The following DIP2C variants were observed in gnomAD, a reference collection of about 807,000 sequenced individuals.
DIP2C encodes DIP2 acetate--CoA ligase C (putative).
DIP2C carries 33 observed loss-of-function variants against 192.4 expected under a neutral mutation model. The ratio of observed to expected loss-of-function variants is 0.17; its 90% CI spans 0.13 to 0.23. The LOEUF is 0.23. Ranked by LOEUF, DIP2C falls within the 10% of genes least tolerant of loss-of-function variation. DIP2C has a pLI of 1.00. For missense variants in DIP2C, 1,537 were observed against 2,110.1 expected (o/e 0.73, Z 5.32); for synonymous variants, 979 against 864.1 (o/e 1.13, Z -2.33).
chr10:519,759 C>G (rs1791855651), intron 1 of DIP2C, among the ~76,000 whole-genome samples: 1 of 152,268 alleles, frequency 6.6e-6, no homozygotes, highest in Admixed American at 6.5e-5. Context: ...AACACTTTCT[C>G]TGCATGTCTA....
intron 1 of DIP2C, among the ~76,000 whole-genome samples, chr10:594,301 A>T (rs1340398570): frequency 6.6e-6 from 1 of 152,224 alleles, no homozygotes; most frequent in Non-Finnish European, 1.5e-5. Flanking sequence ...AGAATACTGC[A>T]CAACCCCACA....
chr10:390,856 C>A lies in DIP2C; in HGVS notation c.1268G>T (p.Gly423Val), dbSNP rs1963403973. ...IEVPLTRKDAGSQQIGFLLGS... is the reference protein window; with the variant it reads ...IEVPLTRKDAVSQQIGFLLGS... Reference sequence around the variant, plus strand: ...AAGCAAGAAACCTATCTGCTGGCTCCCTGCGTCCTGAGAGGGCAACAGAGA... The same window carrying A: ...AAGCAAGAAACCTATCTGCTGGCTCACTGCGTCCTGAGAGGGCAACAGAGA... The change falls in exon 11 of 37, where the codon GGG (glycine) becomes GTG (valine). Residue 423 changes from glycine to valine, a missense_variant. By Grantham distance (109) the Gly-to-Val change is moderately radical. Around this residue, in one of 4 missense-constraint regions of DIP2C, gnomAD observed 677 missense variants for 989.9 expected, o/e 0.68. Transcript: ENST00000280886. The A allele has an allele frequency of 3.7e-6, 6 of 1,614,020 alleles. No homozygotes were observed. The highest frequency in any genetic ancestry group is 4.2e-6 in the Non-Finnish European group (5 of 1,179,972).
Position 301,785 on chromosome 10 carries a change from T to A in DIP2C, c.3986+8246A>T, listed in dbSNP as rs3123233. Among the ~76,000 whole-genome samples the A allele has an allele frequency of 2.3e-3, 350 of 152,284 alleles. 2 individuals are homozygous for A. The highest frequency in any genetic ancestry group is 7.6e-3 in the African/African-American group (315 of 41,564). ...ACAGTGCTCCATGACTGCTCTCCTT[T>A]CACACACACACCTGGCCAGGGGATG... On this transcript the variant is annotated intron_variant, in intron 32 of 36. Coordinates refer to ENST00000280886, the MANE Select transcript of DIP2C (RefSeq NM_014974.3).
chr10:619,458 G>T (rs1374328372), intron 1 of DIP2C, among the ~76,000 whole-genome samples: 3 of 150,728 alleles, frequency 2.0e-5, no homozygotes, highest in African/African-American at 7.3e-5. Context: ...GCCCACGGCA[G>T]CCCTGGCGGC....
intron 3 of DIP2C, among the ~76,000 whole-genome samples, chr10:449,920 C>CAAAAAAAAAA (rs59135780): frequency 3.7e-5 from 5 of 135,920 alleles, no homozygotes; most frequent in East Asian, 4.2e-4. Flanking sequence ...TCAACAACAA[C>CAAAAAAAAAA]AAAAAAAAAA....
intron 1 of DIP2C, among the ~76,000 whole-genome samples, chr10:530,883 T>TC (rs892262588): frequency 1.3e-5 from 2 of 151,994 alleles, no homozygotes; most frequent in Admixed American, 6.6e-5. Context: ...TGAAGTCTCC[T>TC]CCACAGTCAG....
At chr10:587,811 C>G (rs2445594) in intron 1 of DIP2C, among the ~76,000 whole-genome samples, 2 of 114,566 alleles carry the variant, frequency 1.7e-5, no homozygotes, top group South Asian at 3.7e-4. Flanking sequence ...CCCTCACCCT[C>G]CTGAAACCCC....
At chr10:376,677 C>A (rs939153185) in intron 17 of DIP2C, among the ~76,000 whole-genome samples, 6 of 151,706 alleles carry the variant, frequency 4.0e-5, no homozygotes, top group Non-Finnish European at 7.4e-5. Flanking sequence ...GGCAGCCACA[C>A]AACGCACACA....
At chr10:445,414 G>A (rs548204965) in intron 3 of DIP2C, among the ~76,000 whole-genome samples, 1 of 151,782 alleles carries the variant, frequency 6.6e-6, no homozygotes, top group Non-Finnish European at 1.5e-5. Context: ...GTTGCAAAGA[G>A]TATATCTTGC....
At chr10:325,222 G>A (rs553265489) in intron 31 of DIP2C, among the ~76,000 whole-genome samples, 9 of 152,124 alleles carry the variant, frequency 5.9e-5, no homozygotes, top group South Asian at 4.2e-4. Flanking sequence ...CCCAGATCAC[G>A]GCAATGCACT....
intron 1 of DIP2C, among the ~76,000 whole-genome samples, chr10:572,233 T>C (rs771267853): frequency 6.6e-6 from 1 of 152,246 alleles, no homozygotes; most frequent in Non-Finnish European, 1.5e-5. Context: ...CTGGCATGTG[T>C]GCAGCAAGCT....
chr10:618,538 C>T (rs956280799), intron 1 of DIP2C, among the ~76,000 whole-genome samples: 3 of 152,200 alleles, frequency 2.0e-5, no homozygotes, highest in Non-Finnish European at 2.9e-5. Context: ...ACAGCGTCCA[C>T]GCCAGGTGAC....
At chr10:564,447 CCA>C (rs1204038871) in intron 1 of DIP2C, among the ~76,000 whole-genome samples, 4 of 152,140 alleles carry the variant, frequency 2.6e-5, no homozygotes, top group Non-Finnish European at 5.9e-5. Context: ...AACCATTGTT[CCA>C]CATATTTTCT....
chr10:288,468 T>C (rs1193361044), intron 32 of DIP2C, 47 bp from the exon 33 acceptor site: 1 of 1,602,026 alleles, frequency 6.2e-7, no homozygotes, highest in East Asian at 2.2e-5. Flanking sequence ...TGCTGTCCAG[T>C]TTTCCCCTTC....
At chr10:576,705 G>A (rs1374823179) in intron 1 of DIP2C, among the ~76,000 whole-genome samples, 2 of 152,096 alleles carry the variant, frequency 1.3e-5, no homozygotes, top group African/African-American at 2.4e-5. Context: ...ATCAGGAGTT[G>A]GAGACCAGCC....
At chr10:687,708 ACT>A (rs895603867) in intron 1 of DIP2C, among the ~76,000 whole-genome samples, 12 of 152,144 alleles carry the variant, frequency 7.9e-5, no homozygotes, top group African/African-American at 2.9e-4. Context: ...AGACAGTATC[ACT>A]CACCCTCCAA....
intron 1 of DIP2C, among the ~76,000 whole-genome samples, chr10:514,584 C>T (rs546997104): frequency 6.6e-5 from 10 of 152,318 alleles, no homozygotes; most frequent in South Asian, 6.2e-4. Flanking sequence ...CTCCAAGGAC[C>T]GCGGGTTCCA....
intron 4 of DIP2C, among the ~76,000 whole-genome samples, chr10:438,314 C>T (rs1270378121): frequency 6.6e-6 from 1 of 152,066 alleles, no homozygotes; most frequent in African/African-American, 2.4e-5. Flanking sequence ...AAAAAGTGGT[C>T]AAGAAAAATG....
chr10:512,758 A>G (rs1020724006), intron 1 of DIP2C, among the ~76,000 whole-genome samples: 2 of 151,948 alleles, frequency 1.3e-5, no homozygotes, highest in African/African-American at 4.8e-5. Context: ...TAATAAAAAC[A>G]CAAAAATTAG....
Sources: gnomAD v4.1 joint callset for allele counts (sites outside exome capture counted in the v4.1 genomes callset) on GRCh38, gnomAD v4.1.1 for gene constraint, gnomAD v4.1.1 regional missense constraint, MANE v1.5 for transcripts, NCBI Gene and HGNC (gene_info 2026-07-23, HGNC 2026-07-21) for gene names.